PLAA: variants seen among roughly 807,000 people sequenced by gnomAD.
The protein encoded by PLAA is phospholipase A-2-activating protein.
A neutral mutation model predicts 84.1 loss-of-function variants in PLAA; 48 were observed. The ratio of observed to expected loss-of-function variants is 0.57; its 90% CI spans 0.45 to 0.73. The LOEUF is 0.73. Among genes scored for constraint, PLAA ranks in the 30% least tolerant of loss-of-function variants. The pLI, the probability that PLAA is intolerant of heterozygous loss-of-function variation, is 0.00. For missense variants in PLAA, 903 were observed against 954.7 expected, an observed-to-expected ratio of 0.95 and a Z score of 0.71; for synonymous variants, 392 against 336.6, an observed-to-expected ratio of 1.16 and a Z score of -1.80.
chr9:26,941,156 C>CAAAAAAA (rs1313819884), intron 1 of PLAA, among the ~76,000 whole-genome samples: 1 of 25,334 alleles, frequency 3.9e-5, no homozygotes, highest in Non-Finnish European at 7.9e-5. Context: ...GGTATTAAGA[C>CAAAAAAA]AAAAAAAAAA....
At chr9:26,913,058 A>C (rs1038481726) in intron 11 of PLAA, among the ~76,000 whole-genome samples, 2 of 152,216 alleles carry the variant, frequency 1.3e-5, no homozygotes, top group African/African-American at 2.4e-5. Flanking sequence ...TCCCATCTCA[A>C]AAGTAATAAA....
chr9:26,937,251 A>T (rs945467937), intron 1 of PLAA, among the ~76,000 whole-genome samples: 4 of 152,198 alleles, frequency 2.6e-5, no homozygotes, highest in African/African-American at 4.8e-5. Flanking sequence ...ACATATATGG[A>T]AAAAATTAGA....
In PLAA at chr9:26,907,821, A is replaced by G. The variant is rs759337735; in HGVS notation, c.1822+13T>C. ...TTGCTTTCTGGTTACATTTTTGAAGAGTGTTTATTTACCTTCAGGACAGTT... is the reference window on the plus strand; with the variant it reads ...TTGCTTTCTGGTTACATTTTTGAAGGGTGTTTATTTACCTTCAGGACAGTT... On this transcript the variant is annotated intron_variant, in intron 13 of 13. Coordinates refer to ENST00000397292, the MANE Select transcript of PLAA (RefSeq NM_001031689.3). The G allele has an allele frequency of 6.3e-7, 1 of 1,582,098 alleles. No homozygotes were observed. The highest frequency in any genetic ancestry group is 1.2e-5 in the South Asian group (1 of 83,810).
Position 26,947,104 on chromosome 9 carries a change from C to T in PLAA, c.-59G>A. 7.0e-7 allele frequency: 1 copy of T among 1,420,442 alleles called. No individual in the cohort carries two copies. Among genetic ancestry groups the T allele is most frequent in the East Asian group, 2.9e-5 (1 of 34,662 alleles). The allele number at this position is 1,420,442 out of a possible 1,614,324, so 88.0% of individuals were successfully genotyped here. A position where few individuals can be genotyped will look rare whatever the true frequency, so the allele number is the denominator to read the frequency against. On this transcript the variant is annotated 5_prime_UTR_variant, in exon 1 of 14. Coordinates refer to ENST00000397292, the MANE Select transcript of PLAA (RefSeq NM_001031689.3). ...ACTGTGCGAGACCAGTCCGCAGGGG[C>T]GACTCGGAGAGCGCCGGGCCGCGGC...
In PLAA at chr9:26,928,204, A is replaced by G. The variant is rs1317321787; in HGVS notation, c.461T>C (p.Val154Ala). The change falls in exon 4 of 14, where the codon GTG (valine) becomes GCG (alanine). Residue 154 changes from valine to alanine, a missense_variant. Coordinates refer to ENST00000397292, the MANE Select transcript of PLAA (RefSeq NM_001031689.3). Reference protein sequence around the residue: ...MMTLQGHTAAVWAVKILPEQG... With the variant: ...MMTLQGHTAAAWAVKILPEQG... ...TTCAGGTAAGATCTTTACCGCCCAC[A>G]CTGCAGCTGTATGACCCTGTGAGTA... 1.2e-6 allele frequency: 2 copies of G among 1,614,164 alleles called. No homozygotes were observed. The highest frequency in any genetic ancestry group is 1.7e-5 in the Admixed American group (1 of 60,016).
At chr9:26,919,834 G>A (rs1824698896) in intron 8 of PLAA, among the ~76,000 whole-genome samples, 2 of 152,170 alleles carry the variant, frequency 1.3e-5, no homozygotes, top group Non-Finnish European at 2.9e-5. Context: ...ATTATCAGCT[G>A]TTACTGTGCC....
intron 6 of PLAA, among the ~76,000 whole-genome samples, chr9:26,924,394 A>AGGTGGGTC (rs746554980): frequency 4.0e-4 from 61 of 152,122 alleles, no homozygotes; most frequent in Non-Finnish European, 6.9e-4. Context: ...TGGACCTACC[A>AGGTGGGTC]AAGTGCTGGG....
intron 13 of PLAA, among the ~76,000 whole-genome samples, chr9:26,906,845 T>C (rs1824253337): frequency 6.6e-6 from 1 of 151,964 alleles, no homozygotes; most frequent in Non-Finnish European, 1.5e-5. Context: ...CAAAATAATC[T>C]TAGCATCACT....
Position 26,917,090 on chromosome 9 carries a change from A to C in PLAA, c.1486+7T>G. 1.2e-6 allele frequency: 2 copies of C among 1,611,464 alleles called. No individual in the cohort carries two copies. Among genetic ancestry groups the C allele is most frequent in the Non-Finnish European group, 1.7e-6 (2 of 1,177,690 alleles). On this transcript the variant is annotated splice_region_variant and intron_variant, in intron 10 of 13. Coordinates refer to ENST00000397292, the MANE Select transcript of PLAA (RefSeq NM_001031689.3). ...AGAAAGATACATGAATCAAAACTAC[A>C]TCCCACCTGTAAAAGGATCTGCTGT...
In PLAA at chr9:26,918,199, C is replaced by T. The variant is rs111871767; in HGVS notation, c.1418-1034G>A. ...CGATCTTGGCTCGCTGCCACCTCTGCCTCCCAGGTTCACGTGATTCTCCTG... is the reference window on the plus strand; with the variant it reads ...CGATCTTGGCTCGCTGCCACCTCTGTCTCCCAGGTTCACGTGATTCTCCTG... On this transcript the variant is annotated intron_variant, in intron 9 of 13. Transcript: ENST00000397292. 5.6e-3 allele frequency among the ~76,000 whole-genome samples: 858 copies of T among 151,994 alleles called. 9 individuals carry two copies. The highest frequency in any genetic ancestry group is 0.019 in the African/African-American group (805 of 41,440).
chr9:26,916,585 C>T (rs998742258), intron 10 of PLAA: 3 of 987,004 alleles, frequency 3.0e-6, no homozygotes, highest in Middle Eastern at 5.2e-4. Flanking sequence ...GGGGAGACTT[C>T]TTGATTGTAC....
intron 6 of PLAA, among the ~76,000 whole-genome samples, chr9:26,925,260 T>C (rs1824904707): frequency 6.6e-6 from 1 of 152,226 alleles, no homozygotes; most frequent in African/African-American, 2.4e-5. Flanking sequence ...ATCCTATTTC[T>C]TGCTCAAGAA....
intron 6 of PLAA, among the ~76,000 whole-genome samples, chr9:26,924,190 C>T (rs140651840): frequency 4.1e-4 from 62 of 152,182 alleles, no homozygotes; most frequent in African/African-American, 1.5e-3. Flanking sequence ...AGTGCAGGGG[C>T]GGCAATCACA....
chr9:26,930,812 A>G (rs1300143222), intron 2 of PLAA, among the ~76,000 whole-genome samples: 1 of 151,082 alleles, frequency 6.6e-6, no homozygotes, highest in African/African-American at 2.4e-5. Context: ...TGAACTCCTG[A>G]CTTCAAGTGA....
At chr9:26,906,238 T>G (rs1824233070) in intron 13 of PLAA, among the ~76,000 whole-genome samples, 162 bp from the exon 14 acceptor site, 1 of 152,096 alleles carries the variant, frequency 6.6e-6, no homozygotes, top group South Asian at 2.1e-4. Context: ...TTCTGAAACT[T>G]TTGTTAATTT....
chr9:26,917,193 G>GA, intron 9 of PLAA, 28 bp from the exon 10 acceptor site: 1 of 1,596,936 alleles, frequency 6.3e-7, no homozygotes, highest in South Asian at 1.1e-5. Context: ...AGAAAAGGCA[G>GA]AAGTGCACCA....
At chr9:26,934,165 T>C (rs1467766647) in intron 2 of PLAA, among the ~76,000 whole-genome samples, 6 of 152,020 alleles carry the variant, frequency 3.9e-5, no homozygotes, top group Non-Finnish European at 7.3e-5. Context: ...TCCAAACTAT[T>C]TCATTTATAT....
At chr9:26,940,299 T>C (rs1825491905) in intron 1 of PLAA, among the ~76,000 whole-genome samples, 1 of 152,182 alleles carries the variant, frequency 6.6e-6, no homozygotes, top group African/African-American at 2.4e-5. Flanking sequence ...GGTATAAACA[T>C]GAAATTTTAT....
chr9:26,936,194 T>A (rs1825351288), intron 1 of PLAA, among the ~76,000 whole-genome samples: 1 of 150,978 alleles, frequency 6.6e-6, no homozygotes, highest in Non-Finnish European at 1.5e-5. Flanking sequence ...CTAAAAACAA[T>A]AAATACTTAT....
Sources: allele counts gnomAD v4.1 joint callset (sites outside exome capture counted in the v4.1 genomes callset), GRCh38; gene constraint gnomAD v4.1.1; transcripts MANE v1.5; gene names NCBI Gene and HGNC (gene_info 2026-07-23, HGNC 2026-07-21).